Variants in WDR4 observed in about 807,000 individuals in gnomAD.
The protein encoded by WDR4 is WDR4 tRNA N7-guanosine methyltransferase non-catalytic subunit, also known as tRNA (guanine-N(7)-)-methyltransferase non-catalytic subunit WDR4.
WDR4 carries 47 observed loss-of-function variants against 48.6 expected under a neutral mutation model. The observed-to-expected ratio is 0.97, with a 90% CI of 0.77 to 1.23. WDR4 has a LOEUF of 1.23. Ranked by LOEUF, WDR4 falls within the 50% of genes most tolerant of loss-of-function variation. The pLI, the probability that WDR4 is intolerant of heterozygous loss-of-function variation, is 0.00. For missense variants in WDR4, 606 were observed against 551.6 expected (o/e 1.10, Z -0.99); for synonymous variants, 268 against 230.0 (o/e 1.17, Z -1.49).
downstream of WDR4, among the ~76,000 whole-genome samples, chr21:42,848,011 G>C (rs1008297656): frequency 6.6e-6 from 1 of 152,232 alleles, no homozygotes; most frequent in Non-Finnish European, 1.5e-5. Flanking sequence ...TGAAACCCCT[G>C]ATCCCCAGCA....
At chr21:42,861,596 G>A (rs979186471) in intron 5 of WDR4, among the ~76,000 whole-genome samples, 2 of 152,098 alleles carry the variant, frequency 1.3e-5, no homozygotes, top group Non-Finnish European at 2.9e-5. Flanking sequence ...CGAACTAAAT[G>A]CAAGTCAGAA....
At chr21:42,879,935 G>C, upstream of WDR4, 1 of 398,212 alleles carries the variant, frequency 2.5e-6, no homozygotes. Flanking sequence ...TTCGAGAGCA[G>C]CCTGACCAAT....
At position 42,879,497 on chromosome 21, in the gene WDR4, T is replaced by A. The variant is rs750307489; in HGVS notation, c.-2A>T. 2.5e-5 allele frequency: 40 copies of A among 1,612,816 alleles called. No homozygotes were observed. In the East Asian group the frequency reaches 5.6e-4, roughly 22 times the overall value. ...CGCCAGTCCCACAGAGCCCGCCATG[T>A]ACCCGCCCGCCTCACCGCCATACAC... On this transcript the variant is annotated 5_prime_UTR_variant, in exon 1 of 11. Transcript: ENST00000398208.
chr21:42,853,874 G>A, intron 8 of WDR4, 122 bp from the exon 9 acceptor site: 1 of 1,101,222 alleles, frequency 9.1e-7, no homozygotes, highest in East Asian at 2.6e-5. Flanking sequence ...TACGCTGAAA[G>A]CCCCAGCTGC....
At chr21:42,848,392 C>T (rs113859310), downstream of WDR4, among the ~76,000 whole-genome samples, 9 of 148,402 alleles carry the variant, frequency 6.1e-5, no homozygotes, top group African/African-American at 1.5e-4. Flanking sequence ...ACTCACACAG[C>T]ACACGATCAC....
At chr21:42,846,787 C>T (rs539921233), downstream of WDR4, among the ~76,000 whole-genome samples, 5 of 152,054 alleles carry the variant, frequency 3.3e-5, no homozygotes, top group Non-Finnish European at 4.4e-5. Context: ...TTTGGGAGTG[C>T]GAGGCGAGAG....
intron 2 of WDR4, among the ~76,000 whole-genome samples, chr21:42,876,216 C>CTTTTTT (rs1491253275): frequency 4.9e-5 from 3 of 60,926 alleles, no homozygotes; most frequent in African/African-American, 2.1e-4. Context: ...TAACACTGTA[C>CTTTTTT]TCTTTTTTTT....
the WDR4 span, among the ~76,000 whole-genome samples, chr21:42,889,458 CAT>C: frequency 6.6e-6 from 1 of 152,196 alleles, no homozygotes; most frequent in Non-Finnish European, 1.5e-5. Context: ...CCATCACTGA[CAT>C]GTAGCCCTGC....
chr21:42,878,821 C>T (rs2058560302), intron 1 of WDR4, among the ~76,000 whole-genome samples: 2 of 152,230 alleles, frequency 1.3e-5, no homozygotes, highest in South Asian at 4.1e-4. Flanking sequence ...CTGCGAGCTC[C>T]ACGTGCACCC....
downstream of WDR4, among the ~76,000 whole-genome samples, chr21:42,845,730 G>A (rs970510433): frequency 1.3e-5 from 2 of 152,236 alleles, no homozygotes; most frequent in Non-Finnish European, 2.9e-5. Context: ...GCTGGGGTCG[G>A]GGTCTGGGAT....
At chr21:42,869,012 G>C (rs958815266) in intron 3 of WDR4, among the ~76,000 whole-genome samples, 2 of 152,208 alleles carry the variant, frequency 1.3e-5, no homozygotes, top group Non-Finnish European at 2.9e-5. Context: ...GCCCTGGCGG[G>C]GGGGAACAGG....
intron 3 of WDR4, among the ~76,000 whole-genome samples, chr21:42,873,332 C>T (rs1386581642): frequency 6.6e-6 from 1 of 152,174 alleles, no homozygotes; most frequent in Non-Finnish European, 1.5e-5. Flanking sequence ...CACCACCCAG[C>T]GTGGGACAGA....
chr21:42,849,055 C>T (rs1323041327), downstream of WDR4, among the ~76,000 whole-genome samples: 5 of 134,648 alleles, frequency 3.7e-5, no homozygotes, highest in South Asian at 2.5e-4. Flanking sequence ...GATCACGCGG[C>T]GTGCACCACA....
At chr21:42,843,348 C>A (rs771610346) in intron 11 of WDR4, 1 of 149,224 alleles carries the variant, frequency 6.7e-6, no homozygotes, top group South Asian at 2.1e-4. Flanking sequence ...TCCATATGCT[C>A]GAGGGTATTT....
chr21:42,872,519 G>A (rs1443899029), intron 3 of WDR4, among the ~76,000 whole-genome samples: 1 of 151,274 alleles, frequency 6.6e-6, no homozygotes, highest in Admixed American at 6.6e-5. Flanking sequence ...GCTGAGATGG[G>A]AGAATTGCTT....
chr21:42,876,684 A>C lies in WDR4; in HGVS notation c.155+18T>G. 1 of 1,610,776 alleles carries C rather than the reference A, an allele frequency of 6.2e-7. No homozygotes were observed. The highest frequency in any genetic ancestry group is 2.2e-5 in the East Asian group (1 of 44,848). On this transcript the variant is annotated intron_variant, in intron 2 of 10. Transcript: ENST00000398208. ...GAACCATTAAAGCAGGCCCTGAAAA[A>C]GCTTCCCCACATCTCACCCTTTATT...
chr21:42,845,626 A>C (rs1435986034), downstream of WDR4, among the ~76,000 whole-genome samples: 2 of 152,216 alleles, frequency 1.3e-5, no homozygotes, highest in African/African-American at 4.8e-5. Flanking sequence ...GGCTCCCTGC[A>C]AAACTCCACA....
At chr21:42,859,558 C>CAGGGGCCAGCGATCCA in intron 6 of WDR4, 104 bp downstream of exon 6, 1 of 820,426 alleles carries the variant, frequency 1.2e-6, no homozygotes, top group Non-Finnish European at 1.9e-6. Flanking sequence ...CCACAGCCAG[C>CAGGGGCCAGCGATCCA]CAGGGGCCAG....
chr21:42,876,754 G>A lies in WDR4; in HGVS notation c.103C>T (p.Leu35Phe), dbSNP rs745819237. 1.3e-4 allele frequency: 217 copies of A among 1,612,716 alleles called. 1 individual carries two copies. The highest frequency in any genetic ancestry group is 1.8e-4 in the Non-Finnish European group (208 of 1,179,406). The change falls in exon 2 of 11, where the codon CTC becomes TTC. Residue 35 changes from leucine to phenylalanine, a missense_variant. Coordinates refer to ENST00000398208, the MANE Select transcript of WDR4 (RefSeq NM_018669.6). ...TSIASSDDDS[L>F]FIYDCSAAEK... Reference sequence around the variant, plus strand: ...GCAGCACTGCAGTCATAGATGAAGAGGCTGTCATCATCACTAAAGAGAAAT... The same window carrying A: ...GCAGCACTGCAGTCATAGATGAAGAAGCTGTCATCATCACTAAAGAGAAAT...
Sources: allele counts gnomAD v4.1 joint callset (sites outside exome capture counted in the v4.1 genomes callset), GRCh38; gene constraint gnomAD v4.1.1; transcripts MANE v1.5; gene names NCBI Gene and HGNC (gene_info 2026-07-23, HGNC 2026-07-21).